COL27A1: variants seen among roughly 807,000 people sequenced by gnomAD.
COL27A1 encodes collagen type XXVII alpha 1 chain, also known as collagen alpha-1(XXVII) chain.
In COL27A1, 106 loss-of-function variants were observed where a neutral mutation model predicts 251.3. The observed-to-expected ratio is 0.42, with a 90% CI of 0.36 to 0.50. The LOEUF (loss-of-function observed/expected upper bound fraction) is 0.50, where lower values mean the gene tolerates loss of function less well. Among genes scored for constraint, COL27A1 ranks in the 20% least tolerant of loss-of-function variants. COL27A1 has a pLI of 0.00. For missense variants in COL27A1, 2,325 were observed against 2,522.8 expected, an observed-to-expected ratio of 0.92 and a Z score of 1.68; for synonymous variants, 1,000 against 986.3, an observed-to-expected ratio of 1.01 and a Z score of -0.26.
In COL27A1 at chr9:114,309,314, G is replaced by A. The variant is rs866032881; in HGVS notation, c.5272G>A (p.Glu1758Lys). ...GAATTTCCTGCACCTGCTAAGCTCC[G>A]AGGTGACCCAGCACATCACCATCCA... is the stretch of plus-strand genomic sequence containing the variant. Reference protein sequence around the residue: ...QMNFLHLLSSEVTQHITIHCL... With the variant: ...QMNFLHLLSSKVTQHITIHCL... Residue 1758 changes from glutamate (E) to lysine (K), a missense_variant, in exon 60 of 61, where the codon GAG becomes AAG. By Grantham distance (56) the Glu-to-Lys change is moderately conservative. This residue lies in a region of COL27A1 where 327 missense variants were observed against 442.8 expected (regional missense o/e 0.74). Coordinates refer to ENST00000356083, the MANE Select transcript of COL27A1 (RefSeq NM_032888.4). 1.2e-5 allele frequency: 20 copies of A among 1,614,022 alleles called. No homozygotes were observed. Among genetic ancestry groups the A allele is most frequent in the East Asian group, 4.5e-5 (2 of 44,882 alleles).
chr9:114,252,642 C>T lies in COL27A1; in HGVS notation c.3083C>T (p.Ser1028Leu), dbSNP rs199560910. ...GPPGVPGPKG[S>L]MGHPGMPGGM... ...CCAGGCGTGCCTGGACCCAAGGGGTCGATGGTAAGGAGTAAGTCTGCATCC... is the reference window on the plus strand; with the variant it reads ...CCAGGCGTGCCTGGACCCAAGGGGTTGATGGTAAGGAGTAAGTCTGCATCC... The change falls in exon 26 of 61, where the codon TCG becomes TTG. Residue 1028 changes from serine to leucine, a missense_variant. This residue lies in a region of COL27A1 where 662 missense variants were observed against 795.3 expected (regional missense o/e 0.83). Coordinates refer to ENST00000356083, the MANE Select transcript of COL27A1 (RefSeq NM_032888.4). 6.4e-5 allele frequency: 104 copies of T among 1,613,574 alleles called. No individual in the cohort carries two copies. In the Admixed American group the frequency reaches 7.0e-4, roughly 11 times the overall value.
At chr9:114,284,896 A>G (rs1489110822) in intron 41 of COL27A1, 119 bp downstream of exon 41, 2 of 1,086,172 alleles carry the variant, frequency 1.8e-6, no homozygotes, top group East Asian at 4.9e-5. Context: ...GTGGGGGCTC[A>G]CCCCCTGCAG....
chr9:114,217,646 T>A (rs1288902766), intron 12 of COL27A1: 1 of 386,630 alleles, frequency 2.6e-6, no homozygotes, highest in African/African-American at 2.1e-5. Flanking sequence ...CATCTCCATA[T>A]GCTGGACTTG....
chr9:114,287,232 C>T (rs547854994), intron 41 of COL27A1, among the ~76,000 whole-genome samples: 1 of 152,290 alleles, frequency 6.6e-6, no homozygotes, highest in African/African-American at 2.4e-5. Flanking sequence ...TGTGTCCCAG[C>T]CCCAGGGACG....
rs144037036 is a variant in COL27A1 at position 114,288,422 on chromosome 9, C to T, written c.3988-33C>T. The T allele has an allele frequency of 5.0e-4, 798 of 1,603,392 alleles. 6 individuals carry two copies. The African/African-American group carries it at 9.2e-3, about 19-fold the overall frequency. On this transcript the variant is annotated intron_variant, in intron 41 of 60. Coordinates refer to ENST00000356083, the MANE Select transcript of COL27A1 (RefSeq NM_032888.4). ...ATTCCCCACATTCCCCAGGAGCAGG[C>T]GGTTTGCCCTAAAGCTGGTTCTGTG...
intron 28 of COL27A1, among the ~76,000 whole-genome samples, chr9:114,262,390 A>T (rs374553851): frequency 6.6e-5 from 10 of 152,346 alleles, no homozygotes; most frequent in African/African-American, 2.4e-4. Context: ...ATCAAACTGC[A>T]GCTTGAATCT....
chr9:114,232,061 A>T (rs1197994800), intron 16 of COL27A1, among the ~76,000 whole-genome samples, 195 bp downstream of exon 16: 2 of 152,056 alleles, frequency 1.3e-5, no homozygotes, highest in African/African-American at 4.8e-5. Flanking sequence ...TGGTTCTGGG[A>T]GCCCGAAAAC....
intron 24 of COL27A1, among the ~76,000 whole-genome samples, chr9:114,247,546 C>T (rs568991833): frequency 7.9e-5 from 12 of 152,336 alleles, no homozygotes; most frequent in African/African-American, 2.4e-4. Context: ...GCACGTTTGA[C>T]CAAGATCACC....
intron 49 of COL27A1, among the ~76,000 whole-genome samples, chr9:114,298,768 C>T (rs764647018): frequency 9.9e-5 from 15 of 152,110 alleles, no homozygotes; most frequent in Non-Finnish European, 1.9e-4. Context: ...CCAACAAAAG[C>T]GAAGTACATA....
intron 41 of COL27A1, among the ~76,000 whole-genome samples, chr9:114,287,841 AAACTCTGAGCAGGT>A (rs1220078936): frequency 6.6e-6 from 1 of 152,136 alleles, no homozygotes; most frequent in Admixed American, 6.5e-5. Flanking sequence ...TTGAGGGTGA[AAACTCTGAGCAGGT>A]CCCATCATCT....
chr9:114,239,999 G>A (rs756419565), intron 19 of COL27A1, among the ~76,000 whole-genome samples: 30 of 152,124 alleles, frequency 2.0e-4, no homozygotes, highest in Admixed American at 1.6e-3. Flanking sequence ...TTCCTGCACC[G>A]TCCGGTGTAT....
chr9:114,190,973 T>C (rs939335308), intron 5 of COL27A1, among the ~76,000 whole-genome samples: 2 of 152,224 alleles, frequency 1.3e-5, no homozygotes, highest in Non-Finnish European at 2.9e-5. Context: ...TGGGAAGACA[T>C]ATAGTGTGCT....
chr9:114,189,426 T>C (rs999922912), intron 5 of COL27A1, among the ~76,000 whole-genome samples: 1 of 152,226 alleles, frequency 6.6e-6, no homozygotes, highest in Non-Finnish European at 1.5e-5. Flanking sequence ...TTTACTATCT[T>C]TATTCTGTGT....
intron 41 of COL27A1, among the ~76,000 whole-genome samples, chr9:114,285,271 C>T (rs150820273): frequency 3.3e-4 from 50 of 152,224 alleles, no homozygotes; most frequent in East Asian, 2.3e-3. Flanking sequence ...TCATTCCCCA[C>T]GCCTTGGCTC....
At chr9:114,172,446 A>G (rs955696601) in intron 3 of COL27A1, among the ~76,000 whole-genome samples, 4 of 152,172 alleles carry the variant, frequency 2.6e-5, no homozygotes, top group Non-Finnish European at 4.4e-5. Flanking sequence ...ACATAAGATG[A>G]TAATAGCTCC....
chr9:114,250,046 G>T (rs1315064731), intron 24 of COL27A1, among the ~76,000 whole-genome samples: 4 of 152,202 alleles, frequency 2.6e-5, no homozygotes, highest in African/African-American at 4.8e-5. Context: ...GAGGCAAGTT[G>T]TCACCCAGCG....
At chr9:114,174,002 G>A (rs1028204332) in intron 3 of COL27A1, among the ~76,000 whole-genome samples, 8 of 150,710 alleles carry the variant, frequency 5.3e-5, no homozygotes, top group African/African-American at 1.7e-4. Flanking sequence ...TTTTGAGACA[G>A]AGTCTTGCTC....
At chr9:114,275,872 G>C in intron 37 of COL27A1, 104 bp downstream of exon 37, 1 of 689,936 alleles carries the variant, frequency 1.4e-6, no homozygotes, top group Non-Finnish European at 2.4e-6. Flanking sequence ...TGCCACTGAA[G>C]GATCTTCTGC....
rs567436965 is a variant in COL27A1, at chr9:114,290,520, C to G, written c.4368+189C>G. Among the ~76,000 whole-genome samples the G allele has an allele frequency of 1.6e-4, 24 of 152,258 alleles. No homozygotes were observed. Among genetic ancestry groups the G allele is most frequent in the African/African-American group, 5.5e-4 (23 of 41,550 alleles). On this transcript the variant is annotated intron_variant, in intron 47 of 60. Transcript: ENST00000356083. This position sits in a 1 kb window ranked among gnomAD's most constrained non-coding sequence, Gnocchi z 4.6. ...CTGGGAGTGTGGACCTTCTGACTGTCTCTCCTGGATGCCAGCACCCAGAAA... is the reference window on the plus strand; with the variant it reads ...CTGGGAGTGTGGACCTTCTGACTGTGTCTCCTGGATGCCAGCACCCAGAAA...
Sources: allele counts gnomAD v4.1 joint callset (sites outside exome capture counted in the v4.1 genomes callset), GRCh38; gene constraint gnomAD v4.1.1; regional missense constraint gnomAD v4.1.1; non-coding constraint Gnocchi (gnomAD v3.1); transcripts MANE v1.5; gene names NCBI Gene and HGNC (gene_info 2026-07-23, HGNC 2026-07-21).